TCF12: variants seen among roughly 807,000 people sequenced by gnomAD.
TCF12 encodes the protein transcription factor 12.
TCF12 carries 45 observed loss-of-function variants against 86.0 expected under a neutral mutation model. The ratio of observed to expected loss-of-function variants is 0.52; its 90% CI spans 0.41 to 0.67. The LOEUF is 0.67. Among genes scored for constraint, TCF12 ranks in the 30% least tolerant of loss-of-function variants. TCF12 has a pLI of 0.00. For missense variants in TCF12, 881 were observed against 859.9 expected (o/e 1.02, Z -0.31); for synonymous variants, 330 against 299.6 (o/e 1.10, Z -1.05).
At position 57,054,773 on chromosome 15, in the gene TCF12, CTTTTTTTTTTT is replaced by C. The variant is rs35859330; in HGVS notation, c.149-8958_149-8948del. Among the ~76,000 whole-genome samples the C allele has an allele frequency of 3.6e-3, 86 of 24,194 alleles. 3 individuals are homozygous for C. The highest frequency in any genetic ancestry group is 0.062 in the Middle Eastern group (2 of 32). 15.9% of individuals were successfully genotyped at this position (24,194 alleles called of 152,430 possible). On this transcript the variant is annotated intron_variant, in intron 3 of 20. Transcript: ENST00000333725. ...AGCTGGCTTTTTTGCAATGCCTCTGCTTTTTTTTTTTTTTTTTTTTTTTTTTTTTGGTAGCG... is the reference window on the plus strand; with the variant it reads ...AGCTGGCTTTTTTGCAATGCCTCTGCTTTTTTTTTTTTTTTTTTGGTAGCG...
chr15:57,098,360 T>C (rs2049487321), intron 5 of TCF12, among the ~76,000 whole-genome samples: 1 of 152,224 alleles, frequency 6.6e-6, no homozygotes, highest in South Asian at 2.1e-4. Flanking sequence ...TCTGCTGTCT[T>C]GTTCTTTCTT....
intron 3 of TCF12, among the ~76,000 whole-genome samples, chr15:57,004,238 T>G (rs2064214807): frequency 1.2e-5 from 1 of 83,310 alleles, no homozygotes; most frequent in African/African-American, 6.8e-5. Flanking sequence ...TCTTTCTTTC[T>G]TTTTTTTTTT....
intron 4 of TCF12, among the ~76,000 whole-genome samples, chr15:57,087,339 C>G (rs2048712750): frequency 6.7e-6 from 1 of 148,948 alleles, no homozygotes; most frequent in Non-Finnish European, 1.5e-5. Context: ...TTGAGCCCAG[C>G]AGATTGAGGC....
intron 18 of TCF12, among the ~76,000 whole-genome samples, chr15:57,271,300 T>A (rs777458768): frequency 3.3e-5 from 5 of 152,278 alleles, no homozygotes; most frequent in East Asian, 3.9e-4. Flanking sequence ...TAATGGTGGA[T>A]GCCCCTCCCC....
chr15:57,092,069 G>C, intron 5 of TCF12, 178 bp downstream of exon 5: 1 of 487,398 alleles, frequency 2.1e-6, no homozygotes, highest in Non-Finnish European at 3.7e-6. Context: ...AGAAAATTTG[G>C]GGTCTACTCT....
intron 7 of TCF12, among the ~76,000 whole-genome samples, 168 bp downstream of exon 7, chr15:57,192,461 T>G (rs752216090): frequency 6.6e-6 from 1 of 152,128 alleles, no homozygotes; most frequent in Non-Finnish European, 1.5e-5. Context: ...CAATCTTGGC[T>G]TACCGCAGTC....
chr15:57,214,349 C>T (rs1053427258), intron 8 of TCF12: 1 of 152,120 alleles, frequency 6.6e-6, no homozygotes, highest in Non-Finnish European at 1.5e-5. Context: ...CGGAGGGATA[C>T]AATTTATTCA....
At chr15:57,120,847 G>A (rs2151289127) in intron 5 of TCF12, among the ~76,000 whole-genome samples, 1 of 152,282 alleles carries the variant, frequency 6.6e-6, no homozygotes, top group East Asian at 1.9e-4. Context: ...AATGTCTGTT[G>A]TGGCAAGCCT....
chr15:57,055,308 A>G (rs1457911430), intron 3 of TCF12, among the ~76,000 whole-genome samples: 3 of 152,182 alleles, frequency 2.0e-5, no homozygotes, highest in African/African-American at 7.2e-5. Context: ...AGGCTGAGGC[A>G]GGAGAATCGC....
chr15:57,155,343 C>T (rs1294458960), intron 5 of TCF12, among the ~76,000 whole-genome samples: 1 of 152,096 alleles, frequency 6.6e-6, no homozygotes, highest in Non-Finnish European at 1.5e-5. Flanking sequence ...ATGCCTTACT[C>T]ACAAATCAAC....
At position 57,286,711 on chromosome 15, in the gene TCF12, C is replaced by T; in HGVS notation, c.*566C>T. 2.2e-6 allele frequency: 1 copy of T among 453,980 alleles called. No homozygotes were observed. Among genetic ancestry groups the T allele is most frequent in the Non-Finnish European group, 4.4e-6 (1 of 226,256 alleles). 28.1% of individuals were successfully genotyped at this position (453,980 alleles called of 1,614,324 possible). Reference sequence around the variant, plus strand: ...GAAGGGAAAAGTCTTTTGTTGCCCTCTCCTATCCTCTTGCCATATGAATAG... The same window carrying T: ...GAAGGGAAAAGTCTTTTGTTGCCCTTTCCTATCCTCTTGCCATATGAATAG... On this transcript the variant is annotated 3_prime_UTR_variant, in exon 21 of 21. Transcript: ENST00000333725.
intron 5 of TCF12, among the ~76,000 whole-genome samples, chr15:57,119,316 C>T (rs775410020): frequency 9.9e-5 from 15 of 150,770 alleles, no homozygotes; most frequent in Non-Finnish European, 2.2e-4. Flanking sequence ...GGCAGCAGGT[C>T]GGTGGGTGGG....
At chr15:56,975,306 G>A (rs1343683072) in intron 3 of TCF12, among the ~76,000 whole-genome samples, 7 of 152,116 alleles carry the variant, frequency 4.6e-5, no homozygotes, top group African/African-American at 1.7e-4. Context: ...CTGACAAAAT[G>A]TAGTCTAAAG....
chr15:57,103,871 G>A (rs1271720506), intron 5 of TCF12, among the ~76,000 whole-genome samples: 1 of 152,094 alleles, frequency 6.6e-6, no homozygotes, highest in Non-Finnish European at 1.5e-5. Context: ...AGCTGGGCGT[G>A]GTGGTAGAAG....
chr15:57,243,161 T>A (rs1487089955), intron 12 of TCF12, among the ~76,000 whole-genome samples: 1 of 152,230 alleles, frequency 6.6e-6, no homozygotes, highest in Non-Finnish European at 1.5e-5. Context: ...AGAAAGATTG[T>A]CAGATTTGTT....
chr15:57,132,232 T>G (rs921131885), intron 5 of TCF12, among the ~76,000 whole-genome samples: 2 of 152,206 alleles, frequency 1.3e-5, no homozygotes, highest in African/African-American at 4.8e-5. Flanking sequence ...GGAATCTCTG[T>G]TGTAGTGGGC....
chr15:56,998,562 C>T (rs1404725593), intron 3 of TCF12, among the ~76,000 whole-genome samples: 1 of 151,650 alleles, frequency 6.6e-6, no homozygotes, highest in Non-Finnish European at 1.5e-5. Context: ...TACATTCTTT[C>T]CAAGTACAGA....
chr15:57,029,078 C>G (rs1384588071), intron 3 of TCF12, among the ~76,000 whole-genome samples: 1 of 152,168 alleles, frequency 6.6e-6, no homozygotes, highest in African/African-American at 2.4e-5. Flanking sequence ...AGGATACAGG[C>G]ATGAACCACC....
At chr15:57,175,958 A>G (rs559340353) in intron 6 of TCF12, among the ~76,000 whole-genome samples, 1 of 152,234 alleles carries the variant, frequency 6.6e-6, no homozygotes, top group Non-Finnish European at 1.5e-5. Context: ...CCTTTCTCCC[A>G]CTGGATGTTT....
Sources: gnomAD v4.1 joint callset for allele counts (sites outside exome capture counted in the v4.1 genomes callset) on GRCh38, gnomAD v4.1.1 for gene constraint, MANE v1.5 for transcripts, NCBI Gene and HGNC (gene_info 2026-07-23, HGNC 2026-07-21) for gene names.